Variants in CNGB1 observed in about 807,000 individuals in gnomAD.
CNGB1 encodes the protein cyclic nucleotide gated channel subunit beta 1, also known as cyclic nucleotide-gated channel beta-1.
Under a neutral mutation model 151.7 loss-of-function variants are expected in CNGB1, and 126 were observed. That is an observed-to-expected ratio of 0.83 (90% CI 0.72 to 0.96). The LOEUF is 0.96. CNGB1 is among the 40% of genes least tolerant of loss of function. The pLI, the probability that CNGB1 is intolerant of heterozygous loss-of-function variation, is 0.00. For synonymous variants in CNGB1, 623 were observed against 635.1 expected (o/e 0.98, Z 0.29); for missense variants, 1,698 against 1,627.0 (o/e 1.04, Z -0.75).
chr16:57,939,307 G>A (rs1394680166), intron 16 of CNGB1, 123 bp downstream of exon 16: 14 of 1,370,422 alleles, frequency 1.0e-5, no homozygotes, highest in Non-Finnish European at 1.2e-5. Flanking sequence ...GTGGCTGAGG[G>A]GGCAATGGGG....
chr16:57,894,841 T>C (rs1292683808), intron 31 of CNGB1, among the ~76,000 whole-genome samples: 1 of 152,136 alleles, frequency 6.6e-6, no homozygotes, highest in Non-Finnish European at 1.5e-5. Flanking sequence ...AAGATCAGGG[T>C]GGCAGGAGCC....
Position 57,959,944 on chromosome 16 carries a change from G to A in CNGB1, c.705C>T (p.Pro235=), listed in dbSNP as rs748140894. 2.1e-5 allele frequency: 34 copies of A among 1,587,238 alleles called. No homozygotes were observed. Among genetic ancestry groups the A allele is most frequent in the Non-Finnish European group, 2.9e-5 (34 of 1,165,172 alleles). The part of the protein sequence containing the change: ...EEPKEAPAPE[P]QPGSQAQTSS... ...AGGTCTGGGCCTGGGAGCCGGGCTG[G>A]GGCTCTGGAGCTGGTGCCTCCTTGG... is the stretch of plus-strand genomic sequence containing the variant. The change falls in exon 10 of 33, where the codon CCC becomes CCT. Residue 235 remains proline (P), a synonymous_variant. Coordinates refer to ENST00000251102, the MANE Select transcript of CNGB1 (RefSeq NM_001297.5).
chr16:57,953,044 G>T (rs1344649026), intron 12 of CNGB1, among the ~76,000 whole-genome samples: 2 of 152,098 alleles, frequency 1.3e-5, no homozygotes, highest in African/African-American at 2.4e-5. Flanking sequence ...CTGATTCATA[G>T]CTCGCCCAGC....
rs746326083 is a variant in CNGB1 at position 57,904,774 on chromosome 16, TAATTCAGCAGC to T, written c.2583_2593del (p.Leu862PhefsTer68). On this transcript the variant is annotated frameshift_variant, in exon 26 of 33. Coordinates refer to ENST00000251102, the MANE Select transcript of CNGB1 (RefSeq NM_001297.5). LOFTEE classifies it high-confidence loss of function. The stretch of plus-strand genomic sequence containing the variant: ...AGAGAAAGCAAAGACGCCCGTGAAA[TAATTCAGCAGC>T]TGGAAGACAATTTCAAAGAGTGTCT... 1.2e-6 allele frequency: 2 copies of T among 1,614,078 alleles called. No homozygotes were observed. The highest frequency in any genetic ancestry group is 1.3e-5 in the African/African-American group (1 of 75,000).
intron 18 of CNGB1, among the ~76,000 whole-genome samples, chr16:57,922,028 A>G (rs1328927017): frequency 1.3e-5 from 2 of 152,056 alleles, no homozygotes; most frequent in African/African-American, 4.8e-5. Context: ...TTCGTTTCTG[A>G]TATTAAACCC....
chr16:57,887,467 C>T (rs1294933766), intron 32 of CNGB1, among the ~76,000 whole-genome samples: 1 of 151,862 alleles, frequency 6.6e-6, no homozygotes, highest in African/African-American at 2.4e-5. Context: ...TGCTAGAATC[C>T]CTGGGAAAGA....
At chr16:57,927,192 G>A (rs560936737) in intron 17 of CNGB1, among the ~76,000 whole-genome samples, 3 of 152,262 alleles carry the variant, frequency 2.0e-5, no homozygotes, top group Non-Finnish European at 4.4e-5. Flanking sequence ...CTTACACGGG[G>A]AAAATGGAGG....
chr16:57,914,425 A>G (rs1391250878), intron 23 of CNGB1, among the ~76,000 whole-genome samples: 7 of 152,316 alleles, frequency 4.6e-5, no homozygotes, highest in African/African-American at 1.7e-4. Context: ...CTTTCTTCTC[A>G]TCAGGGCACT....
At chr16:57,887,713 G>T in intron 32 of CNGB1, 142 bp downstream of exon 32, 1 of 826,422 alleles carries the variant, frequency 1.2e-6, no homozygotes. Flanking sequence ...TCTGTCACTG[G>T]TAACCAAATG....
intron 17 of CNGB1, among the ~76,000 whole-genome samples, chr16:57,930,399 A>G (rs1204811295): frequency 6.6e-6 from 1 of 151,862 alleles, no homozygotes; most frequent in East Asian, 1.9e-4. Context: ...AGAAGCTGAG[A>G]AGGGGAAATG....
intron 12 of CNGB1, among the ~76,000 whole-genome samples, chr16:57,952,267 G>C (rs1961967068): frequency 6.6e-6 from 1 of 152,158 alleles, no homozygotes; most frequent in Non-Finnish European, 1.5e-5. Context: ...GGCCACACAG[G>C]AAGGTGGAGG....
intron 16 of CNGB1, among the ~76,000 whole-genome samples, chr16:57,935,128 G>A (rs574530703): frequency 6.6e-6 from 1 of 151,966 alleles, no homozygotes; most frequent in South Asian, 2.1e-4. Context: ...TGGCCTTAGA[G>A]CCTCTCTCAC....
chr16:57,931,120 G>GTATTAC (rs1484994722), intron 17 of CNGB1, among the ~76,000 whole-genome samples: 4 of 151,110 alleles, frequency 2.6e-5, no homozygotes, highest in African/African-American at 9.7e-5. Flanking sequence ...CATTTATTAT[G>GTATTAC]TATTACTATA....
chr16:57,920,007 C>T (rs758943627), intron 19 of CNGB1, among the ~76,000 whole-genome samples: 3 of 152,206 alleles, frequency 2.0e-5, no homozygotes, highest in Non-Finnish European at 2.9e-5. Flanking sequence ...TTTCAAGGCA[C>T]TGACATCTCT....
intron 16 of CNGB1, among the ~76,000 whole-genome samples, chr16:57,933,768 G>A (rs1361251679): frequency 6.7e-6 from 1 of 148,572 alleles, no homozygotes; most frequent in Non-Finnish European, 1.5e-5. Context: ...TGTCGCCTAG[G>A]CTGGAGTATA....
At chr16:57,953,048 G>A (rs1414046556) in intron 12 of CNGB1, among the ~76,000 whole-genome samples, 5 of 152,178 alleles carry the variant, frequency 3.3e-5, no homozygotes, top group South Asian at 2.1e-4. Context: ...TTCATAGCTC[G>A]CCCAGCTTCT....
intron 17 of CNGB1, among the ~76,000 whole-genome samples, chr16:57,926,796 A>G (rs757509003): frequency 2.0e-5 from 3 of 152,148 alleles, no homozygotes; most frequent in Non-Finnish European, 4.4e-5. Flanking sequence ...CCTGCCCAAC[A>G]TGGTGAAACC....
intron 25 of CNGB1, among the ~76,000 whole-genome samples, chr16:57,907,706 G>C (rs1416014209): frequency 6.6e-6 from 1 of 152,184 alleles, no homozygotes; most frequent in Non-Finnish European, 1.5e-5. Flanking sequence ...CTTGTGATGG[G>C]TTAGATGAAT....
Position 57,957,365 on chromosome 16 carries a change from G to C in CNGB1, c.850C>G (p.Pro284Ala). ...GKIGEQEPDS[P>A]GICDVQTISI... ...CTGGTCTGCACATCACATATCCCAG[G>C]GGAGTCAGGCTCCTGCATGGAGAGA... is the stretch of plus-strand genomic sequence containing the variant. Residue 284 changes from proline (P) to alanine (A), a missense_variant, in exon 12 of 33, where the codon CCT becomes GCT. Coordinates refer to ENST00000251102, the MANE Select transcript of CNGB1 (RefSeq NM_001297.5). 6.2e-7 allele frequency: 1 copy of C among 1,613,884 alleles called. No individual in the cohort carries two copies. Among genetic ancestry groups the C allele is most frequent in the African/African-American group, 1.3e-5 (1 of 75,046 alleles).
Sources: gnomAD v4.1 joint callset for allele counts (sites outside exome capture counted in the v4.1 genomes callset) on GRCh38, gnomAD v4.1.1 for gene constraint, MANE v1.5 for transcripts, NCBI Gene and HGNC (gene_info 2026-07-23, HGNC 2026-07-21) for gene names.